COG6: variants seen among roughly 807,000 people sequenced by gnomAD.
The protein encoded by COG6 is conserved oligomeric Golgi complex subunit 6.
A neutral mutation model predicts 88.8 loss-of-function variants in COG6; 74 were observed. The observed-to-expected ratio is 0.83, with a 90% CI of 0.69 to 1.01. The LOEUF (loss-of-function observed/expected upper bound fraction) is 1.01, where lower values mean the gene tolerates loss of function less well. Ranked by LOEUF, COG6 falls within the 50% of genes least tolerant of loss-of-function variation. The pLI is 0.00. For synonymous variants in COG6, 286 were observed against 278.7 expected (o/e 1.03, Z -0.26); for missense variants, 800 against 797.9 (o/e 1.00, Z -0.03).
chr13:39,709,697 G>A (rs1409429521), intron 13 of COG6, among the ~76,000 whole-genome samples: 2 of 152,012 alleles, frequency 1.3e-5, no homozygotes, highest in South Asian at 2.1e-4. Context: ...TGGTGTGTGT[G>A]TATATGTGAT....
At chr13:39,756,370 G>A (rs1419005563), downstream of COG6, among the ~76,000 whole-genome samples, 2 of 151,962 alleles carry the variant, frequency 1.3e-5, no homozygotes, top group South Asian at 2.1e-4. Flanking sequence ...AAAAATGAAT[G>A]AAAGAAAATA....
chr13:39,722,859 C>A (rs766607040), intron 15 of COG6, among the ~76,000 whole-genome samples: 2 of 151,966 alleles, frequency 1.3e-5, no homozygotes, highest in Non-Finnish European at 2.9e-5. Flanking sequence ...TGTCACAGAC[C>A]TGCCTTATCC....
intron 18 of COG6, among the ~76,000 whole-genome samples, chr13:39,741,097 C>G (rs750686313): frequency 2.0e-5 from 3 of 152,260 alleles, no homozygotes; most frequent in African/African-American, 4.8e-5. Context: ...TTTCTTATCT[C>G]AGTTCAGTTT....
rs577201639 is a variant in COG6 at position 39,733,124 on chromosome 13, G to A, written c.1826+5576G>A. On this transcript the variant is annotated intron_variant, in intron 18 of 18. Coordinates refer to ENST00000455146, the MANE Select transcript of COG6 (RefSeq NM_020751.3). ...GTGAAATAAATGTTTTGAAATAAAC[G>A]AAAGTAGAGAAGGTTTATCCCCAGC... 1.5e-4 allele frequency among the ~76,000 whole-genome samples: 23 copies of A among 150,146 alleles called. No individual in the cohort carries two copies. In the East Asian group the frequency reaches 3.3e-3, roughly 22 times the overall value.
intron 11 of COG6, among the ~76,000 whole-genome samples, chr13:39,694,325 G>A (rs758199278): frequency 6.0e-5 from 9 of 151,258 alleles, no homozygotes; most frequent in Non-Finnish European, 1.0e-4. Context: ...ATTTCATATT[G>A]AACCAAATTC....
intron 18 of COG6, among the ~76,000 whole-genome samples, chr13:39,735,174 C>A (rs1191551824): frequency 6.6e-6 from 1 of 151,030 alleles, no homozygotes; most frequent in African/African-American, 2.4e-5. Context: ...ATTTTCACTT[C>A]CTTCTTTCCT....
chr13:39,726,739 T>C (rs569996501), intron 17 of COG6, among the ~76,000 whole-genome samples: 25 of 152,074 alleles, frequency 1.6e-4, no homozygotes, highest in African/African-American at 5.5e-4. Flanking sequence ...TCTCTACTTA[T>C]ATGTTTTCCT....
intron 1 of COG6, 81 bp downstream of exon 1, chr13:39,655,960 C>T (rs1874459954): frequency 1.3e-6 from 2 of 1,503,340 alleles, no homozygotes; most frequent in Admixed American, 3.9e-5. Context: ...CAGGGACCCA[C>T]CGCGGTCTCC....
Position 39,751,726 on chromosome 13 carries a change from A to G in COG6, c.*633A>G. 1 of 1,286,926 alleles carries G rather than the reference A, an allele frequency of 7.8e-7. No homozygotes were observed. Among genetic ancestry groups the G allele is most frequent in the Non-Finnish European group, 1.0e-6 (1 of 988,452 alleles). The allele number at this position is 1,286,926 out of a possible 1,614,324, so 79.7% of individuals were successfully genotyped here. A position where few individuals can be genotyped will look rare whatever the true frequency, so the allele number is the denominator to read the frequency against. On this transcript the variant is annotated 3_prime_UTR_variant, in exon 19 of 19. Transcript: ENST00000455146. ...TACATTCTTATGCAATTTTAAGTAT[A>G]CACTCAGCAATAATTAGAAAAAAAG...
intron 18 of COG6, among the ~76,000 whole-genome samples, chr13:39,741,349 A>G (rs1880032570): frequency 6.6e-6 from 1 of 152,198 alleles, no homozygotes. Context: ...CAAGGAAGCT[A>G]AAAACCTTGA....
chr13:39,686,270 A>G (rs1342414554), intron 8 of COG6, among the ~76,000 whole-genome samples: 1 of 152,172 alleles, frequency 6.6e-6, no homozygotes, highest in Non-Finnish European at 1.5e-5. Context: ...GCTAAAATAT[A>G]TTTTGTTTTT....
intron 3 of COG6, among the ~76,000 whole-genome samples, chr13:39,662,976 G>C (rs866370725): frequency 3.6e-4 from 55 of 151,872 alleles, no homozygotes; most frequent in African/African-American, 1.2e-3. Flanking sequence ...TTTCTGAAAT[G>C]CTTTGACTAT....
At chr13:39,779,477 T>G (rs1881564139) in intron 18 of COG6, among the ~76,000 whole-genome samples, 1 of 152,214 alleles carries the variant, frequency 6.6e-6, no homozygotes, top group African/African-American at 2.4e-5. Context: ...GCATGCATTC[T>G]TCTGTGTCAC....
rs182323309 is a variant in COG6 at position 39,712,476 on chromosome 13, A to G, written c.1285-6760A>G. Among the ~76,000 whole-genome samples the G allele has an allele frequency of 2.7e-3, 405 of 152,278 alleles. 1 individual carries two copies. Among genetic ancestry groups the G allele is most frequent in the African/African-American group, 9.2e-3 (381 of 41,540 alleles). On this transcript the variant is annotated intron_variant, in intron 13 of 18. Transcript: ENST00000455146. Reference sequence around the variant, plus strand: ...TATGTATATGTTTTATGTTGTAACTATGCTGCAGGAACATAAATTGAATGT... The same window carrying G: ...TATGTATATGTTTTATGTTGTAACTGTGCTGCAGGAACATAAATTGAATGT...
At position 39,752,474 on chromosome 13, in the gene COG6, A is replaced by G. The variant is rs2138151802; in HGVS notation, c.*1381A>G. 1 of 1,111,468 alleles carries G rather than the reference A, an allele frequency of 9.0e-7. No homozygotes were observed. The highest frequency in any genetic ancestry group is 1.6e-5 in the African/African-American group (1 of 60,980). 68.9% of individuals were successfully genotyped at this position (1,111,468 alleles called of 1,614,324 possible). A position where few individuals can be genotyped will look rare whatever the true frequency, so the allele number is the denominator to read the frequency against. On this transcript the variant is annotated 3_prime_UTR_variant, in exon 19 of 19. Transcript: ENST00000455146. ...ATTAGTATGTGTTACATATAAAGACAGAAAATAAAGTATAAATCAAGAGCT... is the reference window on the plus strand; with the variant it reads ...ATTAGTATGTGTTACATATAAAGACGGAAAATAAAGTATAAATCAAGAGCT...
At chr13:39,727,572 G>T (rs773423750) in intron 18 of COG6, 24 bp downstream of exon 18, 1 of 1,517,602 alleles carries the variant, frequency 6.6e-7, no homozygotes, top group African/African-American at 1.4e-5. Context: ...GTCCCAAGTA[G>T]TTGGTAAAGA....
chr13:39,726,886 C>G (rs1879162545), intron 17 of COG6, among the ~76,000 whole-genome samples: 1 of 151,956 alleles, frequency 6.6e-6, no homozygotes, highest in Admixed American at 6.6e-5. Context: ...AATCCACAGA[C>G]TAGGTCCTTG....
chr13:39,722,620 A>C (rs1878906845), intron 15 of COG6, among the ~76,000 whole-genome samples: 1 of 148,898 alleles, frequency 6.7e-6, no homozygotes, highest in South Asian at 2.1e-4. Context: ...ACTGGCACAA[A>C]AAAAAAAAAA....
At chr13:39,727,936 G>A (rs772473567) in intron 18 of COG6, among the ~76,000 whole-genome samples, 2 of 152,058 alleles carry the variant, frequency 1.3e-5, no homozygotes, top group African/African-American at 4.8e-5. Flanking sequence ...TTGAATCTAA[G>A]GTAGTGTTCT....
Sources: gnomAD v4.1 joint callset for allele counts (sites outside exome capture counted in the v4.1 genomes callset) on GRCh38, gnomAD v4.1.1 for gene constraint, MANE v1.5 for transcripts, NCBI Gene and HGNC (gene_info 2026-07-23, HGNC 2026-07-21) for gene names.